PTER: variants seen among roughly 807,000 people sequenced by gnomAD.
PTER encodes the protein phosphotriesterase related, also known as N-acetyltaurine hydrolase.
Under a neutral mutation model 29.6 loss-of-function variants are expected in PTER, and 38 were observed. The observed-to-expected ratio is 1.28, with a 90% confidence interval of 0.99 to 1.68. PTER has a LOEUF of 1.68. Ranked by LOEUF, PTER falls within the 40% of genes most tolerant of loss-of-function variation. PTER has a pLI of 0.00. For missense variants in PTER, 482 were observed against 427.8 expected, an observed-to-expected ratio of 1.13 and a Z score of -1.12; for synonymous variants, 172 against 154.5, an observed-to-expected ratio of 1.11 and a Z score of -0.84.
Position 16,512,904 on chromosome 10 carries a change from G to T in PTER, c.*1648G>T, listed in dbSNP as rs916546820. The T allele has an allele frequency of 1.3e-5, 2 of 152,458 alleles. No homozygotes were observed. The highest frequency in any genetic ancestry group is 3.8e-4 in the East Asian group (2 of 5,196). 9.4% of individuals were successfully genotyped at this position (152,458 alleles called of 1,614,324 possible). A position where few individuals can be genotyped will look rare whatever the true frequency, so the allele number is the denominator to read the frequency against. On this transcript the variant is annotated 3_prime_UTR_variant, in exon 5 of 5. Transcript: ENST00000535784. Reference sequence around the variant, plus strand: ...ACATGCATTTTTAATCTTTTCCTTAGATGAAAGAGATGGCTTTTGGCAGTG... The same window carrying T: ...ACATGCATTTTTAATCTTTTCCTTATATGAAAGAGATGGCTTTTGGCAGTG...
chr10:16,513,488 AG>A lies in PTER; in HGVS notation c.*2233del, dbSNP rs11331179. The A allele has an allele frequency of 0.44, 66,852 of 152,162 alleles. 14,864 individuals are homozygous for A. Among genetic ancestry groups the A allele is most frequent in the Middle Eastern group, 0.53 (155 of 294 alleles). 9.4% of individuals were successfully genotyped at this position (152,162 alleles called of 1,614,324 possible). On this transcript the variant is annotated 3_prime_UTR_variant, in exon 5 of 5. Coordinates refer to ENST00000535784, the MANE Select transcript of PTER (RefSeq NM_001261836.2). ...TGTGTGAGTATATGTGTGCATGTTT[AG>A]CAGATATTTGTATAAAATATAAACA...
chr10:16,511,226 G>A lies in PTER; in HGVS notation c.1020G>A (p.Glu340=). ...ATGTGCTTGATAAGATTCTAATAGA[G>A]AACCCTAAGCAATGGCTAACTTTCA... The part of the protein sequence containing the change: ...TENVLDKILI[E]NPKQWLTFK Residue 340 remains glutamate, a synonymous_variant, in exon 5 of 5, where the codon GAG becomes GAA. Transcript: ENST00000535784. 6.2e-7 allele frequency: 1 copy of A among 1,614,056 alleles called. No individual in the cohort carries two copies.
chr10:16,462,880 A>G (rs994828536), intron 1 of PTER, among the ~76,000 whole-genome samples: 3 of 150,808 alleles, frequency 2.0e-5, no homozygotes, highest in African/African-American at 4.9e-5. Context: ...CACATAATCT[A>G]CTCTTAACAT....
At chr10:16,491,730 T>C (rs1055306109) in intron 3 of PTER, among the ~76,000 whole-genome samples, 3 of 152,194 alleles carry the variant, frequency 2.0e-5, no homozygotes, top group African/African-American at 7.2e-5. Flanking sequence ...CTGTGCTTCA[T>C]AGCCCCCTCC....
At chr10:16,504,978 G>T in intron 3 of PTER, 42 bp from the exon 4 acceptor site, 1 of 1,606,214 alleles carries the variant, frequency 6.2e-7, no homozygotes, top group South Asian at 1.1e-5. Context: ...TGTGGAAAAT[G>T]GGCTCTTCAT....
chr10:16,470,123 C>T (rs1834992433), intron 1 of PTER, among the ~76,000 whole-genome samples: 1 of 152,148 alleles, frequency 6.6e-6, no homozygotes. Context: ...ATTCTCTAAG[C>T]AGACTTAGGT....
In PTER at chr10:16,511,049, G is replaced by A. The variant is rs548093217; in HGVS notation, c.843G>A (p.Val281=). The A allele has an allele frequency of 2.5e-6, 4 of 1,611,830 alleles. No homozygotes were observed. In the African/African-American group the frequency reaches 5.3e-5, roughly 21 times the overall value. ...AATGAGTTAACATTTTTCACAGGGT[G>A]CGTCTCCTGGTGGAAGAGGGCTGTG... ...MPDDNKRIRR[V]RLLVEEGCED... Residue 281 remains valine (V), a synonymous_variant, in exon 5 of 5, where the codon GTG becomes GTA. Transcript: ENST00000535784.
chr10:16,517,992 A>T (rs1836980340), downstream of PTER, among the ~76,000 whole-genome samples: 1 of 152,092 alleles, frequency 6.6e-6, no homozygotes, highest in Non-Finnish European at 1.5e-5. Context: ...TCTTAGAGGG[A>T]ACTGCATTTT....
chr10:16,493,173 A>G (rs1012965784), intron 3 of PTER, among the ~76,000 whole-genome samples: 4 of 152,206 alleles, frequency 2.6e-5, no homozygotes, highest in Non-Finnish European at 5.9e-5. Context: ...GTGAAAAACC[A>G]CAAAAAATAA....
intron 1 of PTER, among the ~76,000 whole-genome samples, chr10:16,457,717 A>T (rs1051056292): frequency 4.6e-5 from 7 of 152,106 alleles, no homozygotes; most frequent in African/African-American, 1.4e-4. Context: ...CTCCTGCCTT[A>T]GCCTTCCCAG....
intron 3 of PTER, among the ~76,000 whole-genome samples, chr10:16,494,679 T>C (rs995190265): frequency 6.6e-6 from 1 of 152,222 alleles, no homozygotes; most frequent in Non-Finnish European, 1.5e-5. Context: ...TCTTGGCAAA[T>C]TATTAGTGGA....
Position 16,513,111 on chromosome 10 carries a change from G to A in PTER, c.*1855G>A, listed in dbSNP as rs1435171299. 1 of 152,210 alleles carries A rather than the reference G, an allele frequency of 6.6e-6. No individual in the cohort carries two copies. The highest frequency in any genetic ancestry group is 1.5e-5 in the Non-Finnish European group (1 of 67,988). The allele number at this position is 152,210 out of a possible 1,614,324, so 9.4% of individuals were successfully genotyped here. On this transcript the variant is annotated 3_prime_UTR_variant, in exon 5 of 5. Coordinates refer to ENST00000535784, the MANE Select transcript of PTER (RefSeq NM_001261836.2). ...TATTAACAGTCTGTCACAGAATGCA[G>A]TTAAAGTATTGATTGGCATATGGTA... is the stretch of plus-strand genomic sequence containing the variant.
intron 1 of PTER, among the ~76,000 whole-genome samples, chr10:16,453,029 C>A (rs540218561): frequency 6.6e-6 from 1 of 152,172 alleles, no homozygotes; most frequent in Non-Finnish European, 1.5e-5. Flanking sequence ...GGATTACAGG[C>A]GTGAGCCACT....
the PTER span, among the ~76,000 whole-genome samples, chr10:16,518,779 G>C: frequency 3.9e-5 from 6 of 152,020 alleles, no homozygotes; most frequent in African/African-American, 1.2e-4. Context: ...GTATTTTCCA[G>C]ACCTGACCTT....
intron 1 of PTER, among the ~76,000 whole-genome samples, chr10:16,465,256 CTAAGG>C (rs5783506): frequency 0.61 from 92,226 of 151,524 alleles, 28,907 homozygotes; most frequent in East Asian, 0.81. Flanking sequence ...CATATATGTG[CTAAGG>C]TAGGCACTGT....
intron 3 of PTER, among the ~76,000 whole-genome samples, chr10:16,489,334 C>T (rs2133460956): frequency 6.6e-6 from 1 of 152,168 alleles, no homozygotes; most frequent in East Asian, 1.9e-4. Context: ...GGTTTCGATT[C>T]AACCTTTAAA....
chr10:16,496,820 A>T (rs997857615), intron 3 of PTER, among the ~76,000 whole-genome samples: 1 of 152,110 alleles, frequency 6.6e-6, no homozygotes, highest in Non-Finnish European at 1.5e-5. Flanking sequence ...GGATAGATGG[A>T]TGGATAGATG....
At chr10:16,463,017 C>T (rs1372670707) in intron 1 of PTER, among the ~76,000 whole-genome samples, 1 of 151,730 alleles carries the variant, frequency 6.6e-6, no homozygotes, top group African/African-American at 2.4e-5. Flanking sequence ...CATGGTGAAA[C>T]CCCGTCTGTA....
chr10:16,467,715 C>T (rs11816048), intron 1 of PTER, among the ~76,000 whole-genome samples: 92,364 of 151,854 alleles, frequency 0.61, 28,911 homozygotes, highest in East Asian at 0.8. Flanking sequence ...GGGAGGCTGA[C>T]GCAGGAGAAT....
Sources: gnomAD v4.1 joint callset for allele counts (sites outside exome capture counted in the v4.1 genomes callset) on GRCh38, gnomAD v4.1.1 for gene constraint, MANE v1.5 for transcripts, NCBI Gene and HGNC (gene_info 2026-07-23, HGNC 2026-07-21) for gene names.